DIAPH3: variants seen among roughly 807,000 people sequenced by gnomAD.
DIAPH3 encodes the protein diaphanous related formin 3.
A neutral mutation model predicts 144.3 loss-of-function variants in DIAPH3; 117 were observed. That is an observed-to-expected ratio of 0.81 (90% CI 0.70 to 0.95). The LOEUF (loss-of-function observed/expected upper bound fraction) is 0.95. Among genes scored for constraint, DIAPH3 ranks in the 40% least tolerant of loss-of-function variants. The pLI is 0.00. For synonymous variants in DIAPH3, 519 were observed against 488.9 expected (o/e 1.06, Z -0.81); for missense variants, 1,421 against 1,412.7 (o/e 1.01, Z -0.09).
chr13:59,912,441 C>A lies in DIAPH3; in HGVS notation c.2266-605G>T, dbSNP rs968903909. ...TTGAAGACACATGATGATTGATATA[C>A]CTTGCAGATAAAAGGCATGTAGAGG... is the stretch of plus-strand genomic sequence containing the variant. On this transcript the variant is annotated intron_variant, in intron 19 of 27. Transcript: ENST00000400324. Among the ~76,000 whole-genome samples the A allele has an allele frequency of 2.0e-5, 3 of 152,054 alleles. No homozygotes were observed. In the East Asian group the frequency reaches 5.8e-4, roughly 29 times the overall value.
At chr13:59,987,486 A>AAG (rs1183032030) in intron 12 of DIAPH3, among the ~76,000 whole-genome samples, 6 of 137,082 alleles carry the variant, frequency 4.4e-5, no homozygotes, top group Non-Finnish European at 9.2e-5. Flanking sequence ...AAAAAAAAAA[A>AAG]AAAGAAAAAA....
chr13:59,860,493 C>T lies in DIAPH3; in HGVS notation c.2737+914G>A, dbSNP rs545433155. Reference sequence around the variant, plus strand: ...GTGGCTCATGCCTGTAATCCCAGCACTTTGGGAGGCTGAGGCAGGCGGATC... The same window carrying T: ...GTGGCTCATGCCTGTAATCCCAGCATTTTGGGAGGCTGAGGCAGGCGGATC... On this transcript the variant is annotated intron_variant, in intron 22 of 27. Coordinates refer to ENST00000400324, the MANE Select transcript of DIAPH3 (RefSeq NM_001042517.2). Among the ~76,000 whole-genome samples, 5 of 152,232 alleles carry T rather than the reference C, an allele frequency of 3.3e-5. No individual in the cohort carries two copies. The South Asian group carries it at 1.0e-3, about 32-fold the overall frequency.
At chr13:59,875,553 A>C (rs933576938) in intron 21 of DIAPH3, among the ~76,000 whole-genome samples, 3 of 151,902 alleles carry the variant, frequency 2.0e-5, no homozygotes, top group African/African-American at 7.3e-5. Flanking sequence ...GACGAAACTG[A>C]CTCATTTGTT....
intron 25 of DIAPH3, among the ~76,000 whole-genome samples, chr13:59,786,025 C>T (rs962495974): frequency 3.3e-5 from 5 of 152,078 alleles, no homozygotes; most frequent in East Asian, 1.9e-4. Flanking sequence ...ATAAAACATA[C>T]GGCTTGCTGG....
chr13:59,974,453 C>T lies in DIAPH3; in HGVS notation c.1549G>A (p.Glu517Lys). ...EKASELYKKF[E>K]KEFTDHQETQ... Reference sequence around the variant, plus strand: ...TCTTGGTGGTCGGTAAACTCTTTTTCAAACTGAAACAAATTAAAAATAATA... The same window carrying T: ...TCTTGGTGGTCGGTAAACTCTTTTTTAAACTGAAACAAATTAAAAATAATA... The change falls in exon 15 of 28, where the codon GAA becomes AAA. Residue 517 changes from glutamate (E) to lysine (K), a missense_variant. Coordinates refer to ENST00000400324, the MANE Select transcript of DIAPH3 (RefSeq NM_001042517.2). The T allele has an allele frequency of 6.2e-7, 1 of 1,604,892 alleles. No individual in the cohort carries two copies. The highest frequency in any genetic ancestry group is 8.5e-7 in the Non-Finnish European group (1 of 1,175,658).
At chr13:59,685,019 C>G (rs372307993) in intron 27 of DIAPH3, among the ~76,000 whole-genome samples, 1 of 152,002 alleles carries the variant, frequency 6.6e-6, no homozygotes, top group African/African-American at 2.4e-5. Flanking sequence ...TTAAAATAAC[C>G]TGACAGCTTT....
intron 27 of DIAPH3, among the ~76,000 whole-genome samples, chr13:59,690,932 G>A (rs1377543451): frequency 6.6e-6 from 1 of 152,058 alleles, no homozygotes; most frequent in Non-Finnish European, 1.5e-5. Flanking sequence ...AGAGCTATGG[G>A]AAAAAATACT....
intron 27 of DIAPH3, among the ~76,000 whole-genome samples, chr13:59,762,706 AT>A (rs1218329132): frequency 6.6e-6 from 1 of 152,042 alleles, no homozygotes; most frequent in Non-Finnish European, 1.5e-5. Flanking sequence ...ATTCAGATTA[AT>A]TGTAAGATTC....
At chr13:60,144,132 A>T (rs971585066) in intron 1 of DIAPH3, among the ~76,000 whole-genome samples, 2 of 152,130 alleles carry the variant, frequency 1.3e-5, no homozygotes, top group South Asian at 4.1e-4. Context: ...CAGCCCTACC[A>T]TGGTGCAGGG....
chr13:59,954,456 T>G (rs1425555181), intron 17 of DIAPH3, among the ~76,000 whole-genome samples: 5 of 152,162 alleles, frequency 3.3e-5, no homozygotes, highest in African/African-American at 1.2e-4. Flanking sequence ...TAGGACATGC[T>G]TATTCATCAA....
At chr13:59,848,324 T>TTTTTA (rs1555315118) in intron 22 of DIAPH3, among the ~76,000 whole-genome samples, 64 of 149,176 alleles carry the variant, frequency 4.3e-4, no homozygotes, top group Admixed American at 8.0e-4. Context: ...TTTTTTTTTT[T>TTTTTA]AATTATTATA....
At chr13:59,961,100 T>G (rs1451500820) in intron 17 of DIAPH3, among the ~76,000 whole-genome samples, 2 of 152,194 alleles carry the variant, frequency 1.3e-5, no homozygotes, top group Non-Finnish European at 2.9e-5. Context: ...GTTTCATGAT[T>G]TAGAAAGTTT....
At chr13:59,739,583 A>C (rs2036341054) in intron 27 of DIAPH3, among the ~76,000 whole-genome samples, 2 of 152,044 alleles carry the variant, frequency 1.3e-5, no homozygotes, top group South Asian at 4.1e-4. Flanking sequence ...TACATATAGA[A>C]CTTATTTAGT....
intron 27 of DIAPH3, among the ~76,000 whole-genome samples, chr13:59,670,805 G>C (rs529316273): frequency 5.3e-5 from 8 of 151,974 alleles, no homozygotes; most frequent in African/African-American, 1.2e-4. Flanking sequence ...GGATGGTCTC[G>C]ATCTCCTGAC....
chr13:59,760,832 C>G (rs2037540453), intron 27 of DIAPH3, among the ~76,000 whole-genome samples: 1 of 152,074 alleles, frequency 6.6e-6, no homozygotes, highest in Non-Finnish European at 1.5e-5. Flanking sequence ...TTTCATTATT[C>G]TTCTAGAAAT....
intron 5 of DIAPH3, among the ~76,000 whole-genome samples, chr13:60,031,132 T>G (rs1430420874): frequency 6.6e-6 from 1 of 152,130 alleles, no homozygotes; most frequent in African/African-American, 2.4e-5. Context: ...CTCCTCTGCT[T>G]CTGGGAAGGC....
At chr13:59,779,516 CTTT>C (rs199644932) in intron 25 of DIAPH3, among the ~76,000 whole-genome samples, 2 of 144,784 alleles carry the variant, frequency 1.4e-5, no homozygotes. Flanking sequence ...AAGTCTTTTT[CTTT>C]TTTTTTTTTT....
At chr13:59,764,024 T>C (rs566975712) in intron 27 of DIAPH3, among the ~76,000 whole-genome samples, 1 of 151,984 alleles carries the variant, frequency 6.6e-6, no homozygotes, top group African/African-American at 2.4e-5. Flanking sequence ...TGTCATCTGC[T>C]TGGAGCATAA....
At chr13:60,015,139 G>C (rs1008138719) in intron 7 of DIAPH3, among the ~76,000 whole-genome samples, 11 of 152,078 alleles carry the variant, frequency 7.2e-5, no homozygotes, top group African/African-American at 2.7e-4. Flanking sequence ...GGGACTGCAG[G>C]CATGTGCCGC....
Sources: allele counts gnomAD v4.1 joint callset (sites outside exome capture counted in the v4.1 genomes callset), GRCh38; gene constraint gnomAD v4.1.1; transcripts MANE v1.5; gene names NCBI Gene and HGNC (gene_info 2026-07-23, HGNC 2026-07-21).